Variants in CNOT7 observed in about 807,000 individuals in gnomAD.
CNOT7 encodes BTG1-binding factor 1.
In CNOT7, 4 loss-of-function variants were observed where a neutral mutation model predicts 37.1. That is an observed-to-expected ratio of 0.11 (90% CI 0.05 to 0.25). The LOEUF (loss-of-function observed/expected upper bound fraction) is 0.25, where lower values mean the gene tolerates loss of function less well. Among genes scored for constraint, CNOT7 ranks in the 10% least tolerant of loss-of-function variants. The pLI, the probability that CNOT7 is intolerant of heterozygous loss-of-function variation, is 1.00. For missense variants in CNOT7, 170 were observed against 336.2 expected (o/e 0.51, Z 3.87); for synonymous variants, 128 against 115.6 (o/e 1.11, Z -0.69).
In CNOT7 at chr8:17,228,765, T is replaced by C. The variant is rs112674817; in HGVS notation, c.*1955A>G. On this transcript the variant is annotated 3_prime_UTR_variant, in exon 7 of 7. Transcript: ENST00000361272. ...ATGTGGCTAATAAAAAGGCAATCTT[T>C]ATCATTCCTATTTGAAATCCAGCAT... 21 of 152,084 alleles carry C rather than the reference T, an allele frequency of 1.4e-4. 1 individual carries two copies. Among genetic ancestry groups the C allele is most frequent in the African/African-American group, 4.8e-4 (20 of 41,548 alleles). The allele number at this position is 152,084 out of a possible 1,614,324, so 9.4% of individuals were successfully genotyped here. A position where few individuals can be genotyped will look rare whatever the true frequency, so the allele number is the denominator to read the frequency against.
chr8:17,236,279 A>G (rs1045501864), intron 4 of CNOT7, among the ~76,000 whole-genome samples: 5 of 152,218 alleles, frequency 3.3e-5, no homozygotes, highest in Non-Finnish European at 7.3e-5. Context: ...ACATGTGTGA[A>G]GTGGACCAAG....
intron 3 of CNOT7, chr8:17,242,757 C>T: frequency 2.9e-6 from 1 of 339,624 alleles, no homozygotes; most frequent in Non-Finnish European, 5.2e-6. Context: ...ACCCAGTCTT[C>T]CAAATACAAA....
At chr8:17,231,048 GAA>G (rs1392991987) in intron 6 of CNOT7, among the ~76,000 whole-genome samples, 200 bp from the exon 7 acceptor site, 1 of 151,898 alleles carries the variant, frequency 6.6e-6, no homozygotes, top group African/African-American at 2.4e-5. Flanking sequence ...AGAAACCAAA[GAA>G]AGAGACTACA....
chr8:17,230,654 C>A lies in CNOT7; in HGVS notation c.*66G>T. The A allele has an allele frequency of 7.2e-7, 1 of 1,396,790 alleles. No homozygotes were observed. Among genetic ancestry groups the A allele is most frequent in the Non-Finnish European group, 9.6e-7 (1 of 1,040,214 alleles). 86.5% of individuals were successfully genotyped at this position (1,396,790 alleles called of 1,614,324 possible). On this transcript the variant is annotated 3_prime_UTR_variant, in exon 7 of 7. Coordinates refer to ENST00000361272, the MANE Select transcript of CNOT7 (RefSeq NM_013354.7). ...ACTGTCTATTGTTCGAGGGATTCAA[C>A]CAGAGATAAAACCTATATACAAGCA...
rs921431088 is a variant in CNOT7 at position 17,227,197 on chromosome 8, T to A, written c.*3523A>T. ...AGCCTTAAAATTTGACCAAATAAACTTTTTTTCTGCTTCATGCATTTTTCC... is the reference window on the plus strand; with the variant it reads ...AGCCTTAAAATTTGACCAAATAAACATTTTTTCTGCTTCATGCATTTTTCC... On this transcript the variant is annotated 3_prime_UTR_variant, in exon 7 of 7. Transcript: ENST00000361272. 1.3e-5 allele frequency: 2 copies of A among 151,862 alleles called. No homozygotes were observed. The highest frequency in any genetic ancestry group is 1.5e-5 in the Non-Finnish European group (1 of 67,808). 9.4% of individuals were successfully genotyped at this position (151,862 alleles called of 1,614,324 possible). A position where few individuals can be genotyped will look rare whatever the true frequency, so the allele number is the denominator to read the frequency against.
chr8:17,232,064 A>G, intron 6 of CNOT7: 1 of 1,030,870 alleles, frequency 9.7e-7, no homozygotes. Context: ...TTGTAGGAGG[A>G]GCACCAATGG....
rs1270567223 is a variant in CNOT7, at chr8:17,225,898, T to C, written c.*4822A>G. The C allele has an allele frequency of 2.6e-5, 4 of 151,616 alleles. No homozygotes were observed. Among genetic ancestry groups the C allele is most frequent in the African/African-American group, 4.8e-5 (2 of 41,392 alleles). The allele number at this position is 151,616 out of a possible 1,614,324, so 9.4% of individuals were successfully genotyped here. A position where few individuals can be genotyped will look rare whatever the true frequency, so the allele number is the denominator to read the frequency against. On this transcript the variant is annotated 3_prime_UTR_variant, in exon 7 of 7. Coordinates refer to ENST00000361272, the MANE Select transcript of CNOT7 (RefSeq NM_013354.7). ...TTTATTTTATAGACATGAGATAACA[T>C]ATGCATTCATAATTTGATTCCACCT...
At chr8:17,243,419 G>T in intron 2 of CNOT7, 3 of 636,914 alleles carry the variant, frequency 4.7e-6, no homozygotes, top group Non-Finnish European at 8.6e-6. Context: ...AGATACATGT[G>T]ATAAATTTAA....
intron 4 of CNOT7, among the ~76,000 whole-genome samples, chr8:17,236,965 T>A (rs1473530212): frequency 6.6e-6 from 1 of 152,192 alleles, no homozygotes; most frequent in Non-Finnish European, 1.5e-5. Context: ...CCAGGGTCTT[T>A]CACTTTTTAG....
At position 17,232,407 on chromosome 8, in the gene CNOT7, A is replaced by G. The variant is rs778081285; in HGVS notation, c.729+20T>C. ...TCAACCTAACAACCAACTGAGAAAA[A>G]GGCAGTGATGTCTTCATACTTCTCT... On this transcript the variant is annotated intron_variant, in intron 6 of 6. Coordinates refer to ENST00000361272, the MANE Select transcript of CNOT7 (RefSeq NM_013354.7). 2 of 1,613,464 alleles carry G rather than the reference A, an allele frequency of 1.2e-6. No homozygotes were observed. The highest frequency in any genetic ancestry group is 1.7e-6 in the Non-Finnish European group (2 of 1,179,798).
At chr8:17,232,331 T>G in intron 6 of CNOT7, 96 bp downstream of exon 6, 1 of 1,598,142 alleles carries the variant, frequency 6.3e-7, no homozygotes, top group Non-Finnish European at 8.5e-7. Flanking sequence ...ATATCTTTAC[T>G]TAGTAGGTAC....
rs1281201259 is a variant in CNOT7, at chr8:17,230,264, G to C, written c.*456C>G. ...AAAAAACAAATTTTCTGATAAAACA[G>C]GTTTAGAGTCAGAAACACTCTCTAA... is the stretch of plus-strand genomic sequence containing the variant. On this transcript the variant is annotated 3_prime_UTR_variant, in exon 7 of 7. Transcript: ENST00000361272. 1 of 152,604 alleles carries C rather than the reference G, an allele frequency of 6.6e-6. No homozygotes were observed. Among genetic ancestry groups the C allele is most frequent in the Non-Finnish European group, 1.5e-5 (1 of 68,064 alleles). 9.5% of individuals were successfully genotyped at this position (152,604 alleles called of 1,614,324 possible).
rs938438017 is a variant in CNOT7 at position 17,228,790 on chromosome 8, T to C, written c.*1930A>G. 4 of 152,002 alleles carry C rather than the reference T, an allele frequency of 2.6e-5. No homozygotes were observed. Among genetic ancestry groups the C allele is most frequent in the Non-Finnish European group, 2.9e-5 (2 of 67,884 alleles). 9.4% of individuals were successfully genotyped at this position (152,002 alleles called of 1,614,324 possible). On this transcript the variant is annotated 3_prime_UTR_variant, in exon 7 of 7. Transcript: ENST00000361272. ...TATCATTCCTATTTGAAATCCAGCA[T>C]TGATTTCTCAAATAGTTGAACAGAA...
chr8:17,225,972 T>C lies in CNOT7; in HGVS notation c.*4748A>G, dbSNP rs1373096101. On this transcript the variant is annotated 3_prime_UTR_variant, in exon 7 of 7. Coordinates refer to ENST00000361272, the MANE Select transcript of CNOT7 (RefSeq NM_013354.7). ...ACTGCATTTGGCAATGCAGATGAAA[T>C]AGCAAACAGGACAGACATAGACCCT... 2.0e-5 allele frequency: 2 copies of C among 98,032 alleles called. No individual in the cohort carries two copies. Among genetic ancestry groups the C allele is most frequent in the Non-Finnish European group, 3.5e-5 (2 of 56,580 alleles). The allele number at this position is 98,032 out of a possible 1,614,324, so 6.1% of individuals were successfully genotyped here.
At chr8:17,232,136 G>C (rs943416451) in intron 6 of CNOT7, 1 of 1,083,358 alleles carries the variant, frequency 9.2e-7, no homozygotes. Flanking sequence ...GAAGTTATTA[G>C]CCTGTTTTCT....
intron 1 of CNOT7, chr8:17,245,762 G>T (rs899552458): frequency 6.6e-6 from 1 of 151,902 alleles, no homozygotes; most frequent in Non-Finnish European, 1.5e-5. Flanking sequence ...TGAGAAAAAA[G>T]TAACGGCCAT....
At chr8:17,244,987 C>G in intron 2 of CNOT7, 49 bp downstream of exon 2, 1 of 1,405,302 alleles carries the variant, frequency 7.1e-7, no homozygotes, top group Non-Finnish European at 9.8e-7. Context: ...TTAAAATTTC[C>G]TTTTCCTCCT....
intron 3 of CNOT7, chr8:17,237,577 ATCAT>A (rs1809548817): frequency 7.5e-6 from 4 of 533,370 alleles, no homozygotes; most frequent in East Asian, 2.9e-5. Flanking sequence ...CGAATAAAAA[ATCAT>A]TCAGAGAGTC....
intron 4 of CNOT7, 66 bp downstream of exon 4, chr8:17,237,146 C>T (rs979435503): frequency 6.7e-7 from 1 of 1,496,576 alleles, no homozygotes; most frequent in Non-Finnish European, 9.2e-7. Flanking sequence ...AACATAGTGA[C>T]CCAAGTAAGT....
Sources: allele counts gnomAD v4.1 joint callset (sites outside exome capture counted in the v4.1 genomes callset), GRCh38; gene constraint gnomAD v4.1.1; transcripts MANE v1.5; gene names NCBI Gene and HGNC (gene_info 2026-07-23, HGNC 2026-07-21).